PI4KA: variants seen among roughly 807,000 people sequenced by gnomAD.
The protein encoded by PI4KA is phosphatidylinositol 4-kinase alpha.
PI4KA carries 122 observed loss-of-function variants against 271.4 expected under a neutral mutation model. That is an observed-to-expected ratio of 0.45 (90% confidence interval 0.39 to 0.52). The LOEUF (loss-of-function observed/expected upper bound fraction) is 0.52. Among genes scored for constraint, PI4KA ranks in the 20% least tolerant of loss-of-function variants. The pLI, the probability that PI4KA is intolerant of heterozygous loss-of-function variation, is 0.00. For synonymous variants in PI4KA, 1,041 were observed against 1,078.8 expected, an observed-to-expected ratio of 0.96 and a Z score of 0.69; for missense variants, 1,969 against 2,769.1, an observed-to-expected ratio of 0.71 and a Z score of 6.48.
At chr22:20,743,630 A>G (rs2147291625) in intron 30 of PI4KA, among the ~76,000 whole-genome samples, 1 of 152,204 alleles carries the variant, frequency 6.6e-6, no homozygotes, top group East Asian at 1.9e-4. Flanking sequence ...CAACCTATCT[A>G]TTTTTAAAGA....
chr22:20,768,098 G>C (rs1447318114), intron 19 of PI4KA, among the ~76,000 whole-genome samples: 2 of 152,142 alleles, frequency 1.3e-5, no homozygotes, highest in Admixed American at 6.6e-5. Context: ...ACGGCAGCTA[G>C]GCAAAGGTGT....
At chr22:20,784,301 G>T (rs1934034956) in intron 19 of PI4KA, 1 of 1,610,568 alleles carries the variant, frequency 6.2e-7, no homozygotes, top group African/African-American at 1.3e-5. Flanking sequence ...GGGTGTCTGG[G>T]AATACTGGAA....
rs1929555226 is a variant in PI4KA, at chr22:20,742,319, C to A, written c.3650G>T (p.Gly1217Val). 1 of 1,614,164 alleles carries A rather than the reference C, an allele frequency of 6.2e-7. No homozygotes were observed. The highest frequency in any genetic ancestry group is 8.5e-7 in the Non-Finnish European group (1 of 1,180,014). The change falls in exon 32 of 55, where the codon GGT becomes GTT. Residue 1217 changes from glycine to valine, a missense_variant. Gly to Val is a moderately radical substitution (Grantham distance 109). This residue lies in a region of PI4KA where 203 missense variants were observed against 256.8 expected (regional missense o/e 0.79). Coordinates refer to ENST00000255882, the MANE Select transcript of PI4KA (RefSeq NM_058004.4). Reference protein sequence around the residue: ...DPQLLHHLCWGPLRMFNEHGM... With the variant: ...DPQLLHHLCWVPLRMFNEHGM... ...ATGCTCATTGAACATCCGGAGGGGA[C>A]CCCAGCACAGATGATGAAGGAGCTG...
At chr22:20,749,857 G>A (rs541505288) in intron 28 of PI4KA, 48 bp downstream of exon 28, 6 of 1,143,112 alleles carry the variant, frequency 5.2e-6, no homozygotes, top group South Asian at 1.2e-5. Flanking sequence ...AGCTTTTTTG[G>A]GAGTTTGAAG....
At chr22:20,798,945 ACTATT>A (rs781124424) in intron 16 of PI4KA, 143 bp downstream of exon 16, 2 of 671,316 alleles carry the variant, frequency 3.0e-6, no homozygotes, top group Non-Finnish European at 5.0e-6. Flanking sequence ...AGCATCTTAC[ACTATT>A]CTTACTACTC....
At chr22:20,854,774 T>C (rs532154095) in intron 1 of PI4KA, among the ~76,000 whole-genome samples, 1 of 152,154 alleles carries the variant, frequency 6.6e-6, no homozygotes, top group South Asian at 2.1e-4. Flanking sequence ...AGGGGAGGGA[T>C]TGGGTTTTAA....
At chr22:20,750,073 CTA>C in intron 27 of PI4KA, 79 bp from the exon 28 acceptor site, 8 of 894,378 alleles carry the variant, frequency 8.9e-6, no homozygotes, top group South Asian at 6.7e-5. Context: ...ATGGGCTGAA[CTA>C]TGTCTCCCCA....
intron 43 of PI4KA, 39 bp downstream of exon 43, chr22:20,721,259 A>G: frequency 1.9e-6 from 3 of 1,611,498 alleles, no homozygotes; most frequent in Non-Finnish European, 2.5e-6. Context: ...AGTGCACTGA[A>G]GACAGTAAGT....
chr22:20,712,178 C>T (rs1409875674), intron 50 of PI4KA, among the ~76,000 whole-genome samples: 4 of 152,000 alleles, frequency 2.6e-5, no homozygotes, highest in East Asian at 1.9e-4. Flanking sequence ...CTGCCTCAGC[C>T]TCCTGAGTAG....
At chr22:20,732,431 C>T (rs1313761529) in intron 36 of PI4KA, among the ~76,000 whole-genome samples, 1 of 152,172 alleles carries the variant, frequency 6.6e-6, no homozygotes, top group South Asian at 2.1e-4. Flanking sequence ...CATACCCTTC[C>T]CTGGAATGCT....
intron 10 of PI4KA, among the ~76,000 whole-genome samples, chr22:20,806,155 A>G (rs1436835379): frequency 2.0e-5 from 3 of 152,188 alleles, no homozygotes; most frequent in Non-Finnish European, 2.9e-5. Flanking sequence ...TCAGATTAGG[A>G]AAGTGGTTAC....
intron 43 of PI4KA, among the ~76,000 whole-genome samples, chr22:20,719,547 C>A (rs1445802045): frequency 6.6e-6 from 1 of 152,124 alleles, no homozygotes; most frequent in African/African-American, 2.4e-5. Context: ...CTGGACTAAC[C>A]TTTTTCACAG....
At position 20,820,600 on chromosome 22, in the gene PI4KA, C is replaced by T; in HGVS notation, c.468G>A (p.Val156=). The T allele has an allele frequency of 6.2e-7, 1 of 1,607,018 alleles. No homozygotes were observed. Among genetic ancestry groups the T allele is most frequent in the Non-Finnish European group, 8.5e-7 (1 of 1,174,882 alleles). The change falls in exon 5 of 55, where the codon GTG becomes GTA. Residue 156 remains valine, a synonymous_variant. Transcript: ENST00000255882. ...DPSLRDEILE[V]LLQVLHVLLG... is the part of the protein sequence containing the mutation. The stretch of plus-strand genomic sequence containing the variant: ...AGAGGACATGCAAAACCTGCAAAAG[C>T]ACCTCTAAAATCTGTAACAGTCAAG...
At chr22:20,739,548 A>C (rs182399582) in intron 32 of PI4KA, among the ~76,000 whole-genome samples, 29 of 152,140 alleles carry the variant, frequency 1.9e-4, no homozygotes, top group African/African-American at 7.0e-4. Flanking sequence ...CTCAACTGTC[A>C]GTTTTATTTA....
intron 1 of PI4KA, among the ~76,000 whole-genome samples, chr22:20,844,114 T>C (rs1246020490): frequency 3.3e-5 from 5 of 152,196 alleles, no homozygotes; most frequent in African/African-American, 4.8e-5. Flanking sequence ...ATAGCTCACA[T>C]AGAACTCTGT....
intron 7 of PI4KA, 59 bp from the exon 8 acceptor site, chr22:20,813,565 C>A (rs1404214563): frequency 6.7e-7 from 1 of 1,496,594 alleles, no homozygotes; most frequent in African/African-American, 1.4e-5. Context: ...GGTACTTCCT[C>A]AAGCTGACTC....
chr22:20,724,343 T>C (rs1927100858), intron 42 of PI4KA, among the ~76,000 whole-genome samples: 1 of 150,234 alleles, frequency 6.7e-6, no homozygotes, highest in Admixed American at 6.6e-5. Flanking sequence ...CAGTGGCTCA[T>C]GCCTGTAATC....
intron 4 of PI4KA, among the ~76,000 whole-genome samples, chr22:20,821,832 C>T (rs1341723325): frequency 2.0e-5 from 3 of 152,062 alleles, no homozygotes; most frequent in East Asian, 1.9e-4. Flanking sequence ...CTCAGGTGAT[C>T]GATCCACCCA....
At chr22:20,857,783 AG>A (rs1927788853) in intron 1 of PI4KA, among the ~76,000 whole-genome samples, 1 of 152,224 alleles carries the variant, frequency 6.6e-6, no homozygotes, top group Non-Finnish European at 1.5e-5. Flanking sequence ...GTGCCAGTGC[AG>A]GGAACAAATT....
Sources: allele counts gnomAD v4.1 joint callset (sites outside exome capture counted in the v4.1 genomes callset), GRCh38; gene constraint gnomAD v4.1.1; regional missense constraint gnomAD v4.1.1; transcripts MANE v1.5; gene names NCBI Gene and HGNC (gene_info 2026-07-23, HGNC 2026-07-21).